TP63: variants seen among roughly 807,000 people sequenced by gnomAD.
TP63 encodes tumor protein 63.
Under a neutral mutation model 82.8 loss-of-function variants are expected in TP63, and 17 were observed. That is an observed-to-expected ratio of 0.21 (90% CI 0.14 to 0.31). The LOEUF (loss-of-function observed/expected upper bound fraction) is 0.31. Ranked by LOEUF, TP63 falls within the 10% of genes least tolerant of loss-of-function variation. The pLI is 1.00. For synonymous variants in TP63, 330 were observed against 321.7 expected (o/e 1.03, Z -0.28); for missense variants, 648 against 895.3 (o/e 0.72, Z 3.52).
At chr3:189,747,553 G>T (rs975117216) in intron 3 of TP63, among the ~76,000 whole-genome samples, 1 of 151,970 alleles carries the variant, frequency 6.6e-6, no homozygotes, top group African/African-American at 2.4e-5. Flanking sequence ...GAAACACAAT[G>T]TATCAAAAAT....
At chr3:189,734,197 A>T (rs1476359717) in intron 1 of TP63, among the ~76,000 whole-genome samples, 8 of 110,414 alleles carry the variant, frequency 7.2e-5, no homozygotes, top group East Asian at 2.5e-4. Context: ...TTGAGACAGA[A>T]TTTCACTCTT....
At chr3:189,631,628 G>C in intron 1 of TP63, 51 bp downstream of exon 1, 1 of 1,611,304 alleles carries the variant, frequency 6.2e-7, no homozygotes, top group Non-Finnish European at 8.5e-7. Flanking sequence ...GAAGTGCCTT[G>C]TGTATTATGA....
intron 1 of TP63, among the ~76,000 whole-genome samples, chr3:189,639,217 CTCTG>C (rs1401667184): frequency 3.3e-5 from 5 of 152,130 alleles, no homozygotes; most frequent in Non-Finnish European, 5.9e-5. Context: ...AGTGCAAAGA[CTCTG>C]TCTATGTAAT....
intron 1 of TP63, among the ~76,000 whole-genome samples, chr3:189,700,010 C>T: frequency 6.6e-6 from 1 of 152,170 alleles, no homozygotes; most frequent in African/African-American, 2.4e-5. Flanking sequence ...GACTGGGGAA[C>T]ACTGGTCTGA....
intron 4 of TP63, among the ~76,000 whole-genome samples, chr3:189,820,688 T>C (rs1728709448): frequency 6.6e-6 from 1 of 152,248 alleles, no homozygotes; most frequent in African/African-American, 2.4e-5. Context: ...TTTTCTAAGA[T>C]GGTTTTGTAG....
chr3:189,732,036 T>C (rs1438715345), intron 1 of TP63, among the ~76,000 whole-genome samples: 1 of 152,236 alleles, frequency 6.6e-6, no homozygotes, highest in Non-Finnish European at 1.5e-5. Context: ...AATTTTTCTT[T>C]CCTTTTTATT....
At chr3:189,765,896 A>T (rs1189625526) in intron 3 of TP63, among the ~76,000 whole-genome samples, 1 of 152,156 alleles carries the variant, frequency 6.6e-6, no homozygotes, top group Non-Finnish European at 1.5e-5. Flanking sequence ...GAAAGCACGG[A>T]GTTGGGCTAG....
At chr3:189,631,679 G>A (rs1729467439) in intron 1 of TP63, 102 bp downstream of exon 1, 2 of 1,600,224 alleles carry the variant, frequency 1.2e-6, no homozygotes, top group African/African-American at 2.7e-5. Flanking sequence ...TCCTTGTTTA[G>A]TCAGCACAGT....
chr3:189,629,116 G>T (rs1729379975), upstream of TP63, among the ~76,000 whole-genome samples: 1 of 152,108 alleles, frequency 6.6e-6, no homozygotes, highest in South Asian at 2.1e-4. Flanking sequence ...GGTGGCTCAT[G>T]CCTGTAATCC....
chr3:189,887,225 A>T (rs1357335947), intron 11 of TP63, among the ~76,000 whole-genome samples: 2 of 151,042 alleles, frequency 1.3e-5, no homozygotes, highest in African/African-American at 4.9e-5. Context: ...AAAAAAAAAA[A>T]TCTAGAAAAG....
At chr3:189,837,342 G>T (rs1713306021) in intron 4 of TP63, among the ~76,000 whole-genome samples, 1 of 146,526 alleles carries the variant, frequency 6.8e-6, no homozygotes, top group African/African-American at 2.5e-5. Flanking sequence ...TATCATCCTG[G>T]CAATCTACCT....
chr3:189,818,875 G>A (rs1577028331), intron 4 of TP63, among the ~76,000 whole-genome samples: 1 of 152,124 alleles, frequency 6.6e-6, no homozygotes, highest in South Asian at 2.1e-4. Context: ...TTGCTAATGG[G>A]GAAACTTCTA....
chr3:189,655,272 A>T (rs1713240290), intron 1 of TP63, among the ~76,000 whole-genome samples: 1 of 152,194 alleles, frequency 6.6e-6, no homozygotes, highest in Non-Finnish European at 1.5e-5. Flanking sequence ...AAAGCTGGAC[A>T]AATCAATAAC....
At chr3:189,682,673 A>T (rs1393099712) in intron 1 of TP63, among the ~76,000 whole-genome samples, 2 of 151,036 alleles carry the variant, frequency 1.3e-5, no homozygotes, top group Non-Finnish European at 2.9e-5. Context: ...TAGCTAATTT[A>T]TTTCACTTAG....
At chr3:189,875,593 C>T (rs9855503) in intron 10 of TP63, among the ~76,000 whole-genome samples, 22,964 of 39,760 alleles carry the variant, frequency 0.58, 6,250 homozygotes, top group Middle Eastern at 0.7. Flanking sequence ...AAAATACATA[C>T]ATATATATAT....
chr3:189,872,333 G>A (rs1031789675), intron 9 of TP63, among the ~76,000 whole-genome samples: 8 of 151,314 alleles, frequency 5.3e-5, no homozygotes, highest in South Asian at 2.1e-4. Flanking sequence ...AATATATACC[G>A]TTGACTCATT....
chr3:189,772,357 G>A (rs1485139986), intron 3 of TP63, among the ~76,000 whole-genome samples: 6 of 152,208 alleles, frequency 3.9e-5, no homozygotes, highest in Admixed American at 3.9e-4. Flanking sequence ...AATTGGTGAT[G>A]GAGCCAGTCT....
At position 189,875,577 on chromosome 3, in the gene TP63, G is replaced by GA. The variant is rs1255435500; in HGVS notation, c.1349+2591dup. ...AGAGACTTCATCTCAAAAAGAAAAA[G>GA]AAAAAAAAATACATACATATATATA... On this transcript the variant is annotated intron_variant, in intron 10 of 13. Transcript: ENST00000264731. Among the ~76,000 whole-genome samples, 4 of 38,840 alleles carry GA rather than the reference G, an allele frequency of 1.0e-4. No homozygotes were observed. In the South Asian group the frequency reaches 2.7e-3, roughly 26 times the overall value. The allele number at this position is 38,840 out of a possible 152,430, so 25.5% of individuals were successfully genotyped here.
intron 3 of TP63, among the ~76,000 whole-genome samples, chr3:189,794,496 G>A (rs1725490010): frequency 6.6e-6 from 1 of 151,950 alleles, no homozygotes; most frequent in African/African-American, 2.4e-5. Flanking sequence ...ATATAAGAAG[G>A]AATGAGGATT....
Sources: gnomAD v4.1 joint callset for allele counts (sites outside exome capture counted in the v4.1 genomes callset) on GRCh38, gnomAD v4.1.1 for gene constraint, MANE v1.5 for transcripts, NCBI Gene and HGNC (gene_info 2026-07-23, HGNC 2026-07-21) for gene names.